The following NUDCD3 variants were observed in gnomAD, a reference collection of about 807,000 sequenced individuals.
NUDCD3 encodes nudC domain-containing protein 3.
A neutral mutation model predicts 39.7 loss-of-function variants in NUDCD3; 13 were observed. The observed-to-expected ratio is 0.33, with a 90% CI of 0.21 to 0.52. NUDCD3 has a LOEUF of 0.52. Among genes scored for constraint, NUDCD3 ranks in the 20% least tolerant of loss-of-function variants. NUDCD3 has a pLI of 0.96. For missense variants in NUDCD3, 453 were observed against 458.1 expected (o/e 0.99, Z 0.10); for synonymous variants, 175 against 172.4 (o/e 1.02, Z -0.12).
chr7:44,463,629 G>C (rs999150753), intron 2 of NUDCD3, among the ~76,000 whole-genome samples: 3 of 152,064 alleles, frequency 2.0e-5, no homozygotes, highest in African/African-American at 7.2e-5. Flanking sequence ...CAAGTGGTGT[G>C]AGAGGATATT....
intron 3 of NUDCD3, chr7:44,426,136 A>G (rs780847130): frequency 9.7e-5 from 96 of 985,356 alleles, no homozygotes; most frequent in Admixed American, 2.5e-4. Context: ...TGGGGCTTCA[A>G]TGGGTCTCAC....
At chr7:44,480,215 C>T (rs920462371) in intron 2 of NUDCD3, among the ~76,000 whole-genome samples, 4 of 152,128 alleles carry the variant, frequency 2.6e-5, no homozygotes, top group Non-Finnish European at 5.9e-5. Flanking sequence ...AGTAGCTATT[C>T]TAGTCTATTA....
At chr7:44,393,667 A>G (rs1237585065) in intron 4 of NUDCD3, among the ~76,000 whole-genome samples, 1 of 152,248 alleles carries the variant, frequency 6.6e-6, no homozygotes, top group African/African-American at 2.4e-5. Context: ...AAAGAGGTAC[A>G]TTCACATGCC....
At chr7:44,470,571 C>T (rs909615494) in intron 2 of NUDCD3, among the ~76,000 whole-genome samples, 1 of 152,198 alleles carries the variant, frequency 6.6e-6, no homozygotes, top group African/African-American at 2.4e-5. Context: ...TACCTCACAG[C>T]GTGGCTCAGA....
intron 3 of NUDCD3, among the ~76,000 whole-genome samples, chr7:44,419,249 T>TG (rs1426678512): frequency 6.6e-6 from 1 of 152,086 alleles, no homozygotes; most frequent in East Asian, 1.9e-4. Flanking sequence ...CAACACAGCG[T>TG]GGCAAAGTGG....
chr7:44,425,810 G>T (rs1355119610), intron 3 of NUDCD3: 1 of 152,148 alleles, frequency 6.6e-6, no homozygotes, highest in Non-Finnish European at 1.5e-5. Flanking sequence ...AGGCTACAGT[G>T]AGCTGCGATC....
intron 4 of NUDCD3, 107 bp from the exon 5 acceptor site, chr7:44,392,592 GACCAACT>G (rs1052990065): frequency 3.2e-6 from 3 of 937,646 alleles, no homozygotes; most frequent in Non-Finnish European, 4.9e-6. Context: ...ATAAGCTCAG[GACCAACT>G]ACACAAAGGG....
In NUDCD3 at chr7:44,417,115, G is replaced by A. The variant is rs573857670; in HGVS notation, c.642+10456C>T. On this transcript the variant is annotated intron_variant, in intron 3 of 5. Coordinates refer to ENST00000355451, the MANE Select transcript of NUDCD3 (RefSeq NM_015332.4). ...CCAAACCAGCAATCTTGTCTGTCTTGGTGACTCCCACATGCCCAGTTCCTG... is the reference window on the plus strand; with the variant it reads ...CCAAACCAGCAATCTTGTCTGTCTTAGTGACTCCCACATGCCCAGTTCCTG... 8.3e-4 allele frequency among the ~76,000 whole-genome samples: 126 copies of A among 152,252 alleles called. 3 individuals carry two copies. The South Asian group carries it at 0.026, about 31-fold the overall frequency.
chr7:44,456,772 T>A (rs2116943362), intron 2 of NUDCD3, among the ~76,000 whole-genome samples: 1 of 152,082 alleles, frequency 6.6e-6, no homozygotes, highest in African/African-American at 2.4e-5. Flanking sequence ...AAAAAAAATT[T>A]ACATCAACTT....
chr7:44,410,853 G>A (rs1236778215), intron 3 of NUDCD3, among the ~76,000 whole-genome samples: 1 of 152,050 alleles, frequency 6.6e-6, no homozygotes, highest in Non-Finnish European at 1.5e-5. Context: ...TGTAGTTCCA[G>A]CTACTCGGGA....
chr7:44,426,968 T>A (rs1178120400), intron 3 of NUDCD3, among the ~76,000 whole-genome samples: 1 of 152,100 alleles, frequency 6.6e-6, no homozygotes, highest in Non-Finnish European at 1.5e-5. Context: ...ATCATAAACC[T>A]TTCATCTCTG....
At chr7:44,402,572 T>C (rs1029782528) in intron 4 of NUDCD3, 1 of 448,562 alleles carries the variant, frequency 2.2e-6, no homozygotes, top group African/African-American at 2.0e-5. Context: ...CAGAGACCAG[T>C]GACTAAGGCT....
chr7:44,428,933 C>T (rs141890801), intron 2 of NUDCD3, among the ~76,000 whole-genome samples: 55 of 152,228 alleles, frequency 3.6e-4, no homozygotes, highest in African/African-American at 1.1e-3. Context: ...GGCAGGGAGA[C>T]GGCCCCATGG....
rs139619254 is a variant in NUDCD3 at position 44,396,943 on chromosome 7, ATTTGTT to A, written c.787-4464_787-4459del. On this transcript the variant is annotated intron_variant, in intron 4 of 5. Coordinates refer to ENST00000355451, the MANE Select transcript of NUDCD3 (RefSeq NM_015332.4). ...TGATAAAGTAGTCTGATGGTTTTAC[ATTTGTT>A]TTTGTTTTTTTCTGTGAATATTTTA... is the stretch of plus-strand genomic sequence containing the variant. Among the ~76,000 whole-genome samples the A allele has an allele frequency of 7.9e-5, 12 of 151,110 alleles. No individual in the cohort carries two copies. The East Asian group carries it at 1.2e-3, about 15-fold the overall frequency.
rs1798539596 is a variant in NUDCD3 at position 44,392,494 on chromosome 7, A to T, written c.787-9T>A. 1 of 1,613,126 alleles carries T rather than the reference A, an allele frequency of 6.2e-7. No homozygotes were observed. Among genetic ancestry groups the T allele is most frequent in the South Asian group, 1.1e-5 (1 of 90,900 alleles). ...ACCTTGCTCAGGTTCACCTGGGGACAAGCAGGACAGAGACCTGAGTCAGAG... is the reference window on the plus strand; with the variant it reads ...ACCTTGCTCAGGTTCACCTGGGGACTAGCAGGACAGAGACCTGAGTCAGAG... On this transcript the variant is annotated splice_polypyrimidine_tract_variant and intron_variant, in intron 4 of 5. Coordinates refer to ENST00000355451, the MANE Select transcript of NUDCD3 (RefSeq NM_015332.4).
At chr7:44,476,859 G>T (rs1033215920) in intron 2 of NUDCD3, among the ~76,000 whole-genome samples, 16 of 152,158 alleles carry the variant, frequency 1.1e-4, no homozygotes, top group African/African-American at 3.9e-4. Context: ...TTACCTGCTG[G>T]GGAAAGCGGA....
In NUDCD3 at chr7:44,386,155, C is replaced by G. The variant is rs777313049; in HGVS notation, c.976-34G>C. 5.6e-6 allele frequency: 9 copies of G among 1,610,842 alleles called. No homozygotes were observed. In the South Asian group the frequency reaches 9.9e-5, roughly 18 times the overall value. ...AGAAAATAGAGAGATTAAAGGGGATCACAACGCACTGTGTACTTTCTCCCA... is the reference window on the plus strand; with the variant it reads ...AGAAAATAGAGAGATTAAAGGGGATGACAACGCACTGTGTACTTTCTCCCA... On this transcript the variant is annotated intron_variant, in intron 5 of 5. Coordinates refer to ENST00000355451, the MANE Select transcript of NUDCD3 (RefSeq NM_015332.4).
Position 44,484,971 on chromosome 7 carries a change from G to A in NUDCD3, c.506C>T (p.Pro169Leu), listed in dbSNP as rs770435609. The A allele has an allele frequency of 1.3e-6, 2 of 1,591,630 alleles. No individual in the cohort carries two copies. Among genetic ancestry groups the A allele is most frequent in the East Asian group, 2.2e-5 (1 of 44,530 alleles). Residue 169 changes from proline to leucine, a missense_variant, in exon 2 of 6, where the codon CCC (proline) becomes CTC (leucine). Transcript: ENST00000355451. ...GCTGCAAAGTAGAAATTCCCACCTG[G>A]GAAGAATTGGTGGTTCCCTAGGGAC... ...AEVPREPPILPRIQEQFQKNP... is the reference protein window; with the variant it reads ...AEVPREPPILLRIQEQFQKNP...
At chr7:44,417,033 C>T (rs1306296749) in intron 3 of NUDCD3, among the ~76,000 whole-genome samples, 5 of 152,202 alleles carry the variant, frequency 3.3e-5, no homozygotes, top group African/African-American at 1.2e-4. Context: ...GCACCTGCCT[C>T]CATCTTGCTC....
Sources: gnomAD v4.1 joint callset for allele counts (sites outside exome capture counted in the v4.1 genomes callset) on GRCh38, gnomAD v4.1.1 for gene constraint, MANE v1.5 for transcripts, NCBI Gene and HGNC (gene_info 2026-07-23, HGNC 2026-07-21) for gene names.